SYNE2: variants seen among roughly 807,000 people sequenced by gnomAD.
SYNE2 encodes the protein nesprin-2.
SYNE2 carries 431 observed loss-of-function variants against 856.3 expected under a neutral mutation model. That is an observed-to-expected ratio of 0.50 (90% CI 0.47 to 0.55). The LOEUF (loss-of-function observed/expected upper bound fraction) is 0.55, where lower values mean the gene tolerates loss of function less well. SYNE2 is among the 20% of genes least tolerant of loss of function. SYNE2 has a pLI of 0.00. For synonymous variants in SYNE2, 2,923 were observed against 2,872.3 expected (o/e 1.02, Z -0.56); for missense variants, 8,129 against 8,023.2 (o/e 1.01, Z -0.50).
chr14:64,099,041 G>A, intron 63 of SYNE2: 1 of 538,130 alleles, frequency 1.9e-6, no homozygotes, highest in South Asian at 2.0e-5. Flanking sequence ...AGACACTCTT[G>A]TTGGCATACG....
chr14:64,099,118 A>G (rs538210428), intron 63 of SYNE2: 5 of 398,400 alleles, frequency 1.3e-5, no homozygotes, highest in Non-Finnish European at 2.3e-5. Context: ...TTTTGAGAGC[A>G]TGCTGTTTGG....
At position 64,165,324 on chromosome 14, in the gene SYNE2, G is replaced by A; in HGVS notation, c.16519G>A (p.Glu5507Lys). 6.2e-7 allele frequency: 1 copy of A among 1,613,918 alleles called. No individual in the cohort carries two copies. The highest frequency in any genetic ancestry group is 8.5e-7 in the Non-Finnish European group (1 of 1,179,906). The stretch of plus-strand genomic sequence containing the variant: ...GTTTAAGGATTTTGGAGTCCGGCTG[G>A]AATCTTTAAAAGGTCTTATTATGCA... ...SQFKDFGVRLESLKGLIMHEE... is the reference protein window; with the variant it reads ...SQFKDFGVRLKSLKGLIMHEE... Residue 5507 changes from glutamate to lysine, a missense_variant, in exon 90 of 116, where the codon GAA (glutamate) becomes AAA (lysine). Around this residue, in one of 3 missense-constraint regions of SYNE2, gnomAD observed 5,410 missense variants for 5,284.8 expected, o/e 1.02. Transcript: ENST00000555002.
At position 63,941,764 on chromosome 14, in the gene SYNE2, C is replaced by G; in HGVS notation, c.211C>G (p.Leu71Val). 1 of 1,614,066 alleles carries G rather than the reference C, an allele frequency of 6.2e-7. No homozygotes were observed. The highest frequency in any genetic ancestry group is 8.5e-7 in the Non-Finnish European group (1 of 1,179,964). The change falls in exon 4 of 116, where the codon CTA becomes GTA. Residue 71 changes from leucine to valine, a missense_variant. By Grantham distance (32) the Leu-to-Val change is conservative (BLOSUM62 1). Coordinates refer to ENST00000555002, the MANE Select transcript of SYNE2 (RefSeq NM_182914.3). ...AAAGGGGCATGTCCTCCTGGATCTG[C>G]TAGAAGTACTTTCTGGGCAACAGTT... ...IKKGHVLLDL[L>V]EVLSGQQLPR...
chr14:63,993,949 G>C lies in SYNE2; in HGVS notation c.2761G>C (p.Asp921His). The C allele has an allele frequency of 2.5e-6, 4 of 1,613,862 alleles. No homozygotes were observed. Among genetic ancestry groups the C allele is most frequent in the Non-Finnish European group, 2.5e-6 (3 of 1,179,838 alleles). Residue 921 changes from aspartate to histidine, a missense_variant, in exon 22 of 116, where the codon GAT becomes CAT. By Grantham distance (81) the Asp-to-His change is moderately conservative. This residue lies in a region of SYNE2 where 2,422 missense variants were observed against 2,357.4 expected (regional missense o/e 1.03). Transcript: ENST00000555002. ...IKMSLEEKSR[D>H]VCAKWESLHH... ...GATGTCTTTAGAAGAAAAGAGTAGAGATGTCTGTGCCAAATGGGAGGTAAG... is the reference window on the plus strand; with the variant it reads ...GATGTCTTTAGAAGAAAAGAGTAGACATGTCTGTGCCAAATGGGAGGTAAG...
chr14:63,807,410 G>C (rs1231784070), intron 1 of SYNE2, among the ~76,000 whole-genome samples: 1 of 151,468 alleles, frequency 6.6e-6, no homozygotes, highest in East Asian at 1.9e-4. Context: ...TGAAAAAGGA[G>C]ACTAAAGGAC....
intron 27 of SYNE2, among the ~76,000 whole-genome samples, chr14:63,999,666 A>G (rs2153501216): frequency 6.6e-6 from 1 of 152,368 alleles, no homozygotes; most frequent in East Asian, 1.9e-4. Context: ...TACAAATAAT[A>G]TCTTTCCTAT....
intron 107 of SYNE2, 105 bp downstream of exon 107, chr14:64,215,459 C>G: frequency 9.0e-7 from 1 of 1,113,698 alleles, no homozygotes; most frequent in South Asian, 1.2e-5. Flanking sequence ...TCTGTGGACA[C>G]CATGCGCCTT....
Position 64,065,525 on chromosome 14 carries a change from G to C in SYNE2, c.10306G>C (p.Gly3436Arg). 1 of 1,614,086 alleles carries C rather than the reference G, an allele frequency of 6.2e-7. No homozygotes were observed. The highest frequency in any genetic ancestry group is 1.3e-5 in the African/African-American group (1 of 75,010). ...LLRLRCTENDGICLLKIVSAL... is the reference protein window; with the variant it reads ...LLRLRCTENDRICLLKIVSAL... ...GAGACTCAGGTGCACAGAAAATGAT[G>C]GCATATGTTTGCTCAAGATTGTGTC... The change falls in exon 51 of 116, where the codon GGC becomes CGC. Residue 3436 changes from glycine to arginine, a missense_variant. Transcript: ENST00000555002.
At chr14:63,873,003 G>T (rs1218137248) in intron 1 of SYNE2, among the ~76,000 whole-genome samples, 3 of 152,056 alleles carry the variant, frequency 2.0e-5, no homozygotes, top group African/African-American at 7.2e-5. Context: ...GGACCCACCT[G>T]TTCACGTCTT....
chr14:63,990,696 A>G (rs986556479), intron 20 of SYNE2, 127 bp downstream of exon 20: 21 of 897,068 alleles, frequency 2.3e-5, no homozygotes, highest in Admixed American at 1.2e-4. Context: ...CTTTTGCATT[A>G]TGTTTTATTT....
chr14:63,878,538 T>C (rs1403931333), intron 1 of SYNE2, among the ~76,000 whole-genome samples: 3 of 143,798 alleles, frequency 2.1e-5, no homozygotes, highest in African/African-American at 7.7e-5. Flanking sequence ...ATTTTTTTCT[T>C]TATTTTTATT....
Position 64,089,659 on chromosome 14 carries a change from T to C in SYNE2, c.11756T>C (p.Phe3919Ser), listed in dbSNP as rs150573710. The C allele has an allele frequency of 6.2e-7, 1 of 1,600,770 alleles. No homozygotes were observed. Among genetic ancestry groups the C allele is most frequent in the Non-Finnish European group, 8.6e-7 (1 of 1,168,630 alleles). Residue 3919 changes from phenylalanine to serine, a missense_variant, in exon 59 of 116, where the codon TTT (phenylalanine) becomes TCT (serine). By Grantham distance (155) the Phe-to-Ser change is radical (BLOSUM62 -2). Around this residue, in one of 3 missense-constraint regions of SYNE2, gnomAD observed 5,410 missense variants for 5,284.8 expected, o/e 1.02. Coordinates refer to ENST00000555002, the MANE Select transcript of SYNE2 (RefSeq NM_182914.3). ...IKTILLSKEI[F>S]DFSPEEHLKH... ...ACTATCCTATTATCAAAAGAAATAT[T>C]TGATTTTTCACCTGAAGAACATCTC... is the stretch of plus-strand genomic sequence containing the variant.
chr14:63,789,943 T>C (rs1023941684), intron 1 of SYNE2, among the ~76,000 whole-genome samples: 1 of 152,078 alleles, frequency 6.6e-6, no homozygotes, highest in African/African-American at 2.4e-5. Flanking sequence ...AATGAGACAT[T>C]GAACTAGAAA....
intron 1 of SYNE2, among the ~76,000 whole-genome samples, chr14:63,794,169 C>T (rs951291309): frequency 2.6e-5 from 4 of 152,096 alleles, no homozygotes. Flanking sequence ...TCAACAATAA[C>T]TGGAAACTTT....
At chr14:64,162,769 A>G in intron 88 of SYNE2, 1 of 253,188 alleles carries the variant, frequency 3.9e-6, no homozygotes, top group Non-Finnish European at 7.8e-6. Context: ...CAGAAAGTGA[A>G]TACTCTTTAG....
intron 65 of SYNE2, among the ~76,000 whole-genome samples, chr14:64,108,583 G>T (rs2097786060): frequency 6.6e-6 from 1 of 151,946 alleles, no homozygotes; most frequent in South Asian, 2.1e-4. Flanking sequence ...AAAAGATATT[G>T]GCATGTTTTT....
chr14:64,103,711 C>A (rs73279566), intron 64 of SYNE2, among the ~76,000 whole-genome samples: 5 of 152,090 alleles, frequency 3.3e-5, no homozygotes, highest in African/African-American at 1.2e-4. Flanking sequence ...CTTCCCCTCC[C>A]TAACATGTTC....
rs1470913937 is a variant in SYNE2, at chr14:64,053,506, A to C, written c.9593A>C (p.Gln3198Pro). 2 of 1,614,246 alleles carry C rather than the reference A, an allele frequency of 1.2e-6. No homozygotes were observed. Among genetic ancestry groups the C allele is most frequent in the Non-Finnish European group, 1.7e-6 (2 of 1,180,038 alleles). The change falls in exon 48 of 116, where the codon CAA (glutamine) becomes CCA (proline). Residue 3198 changes from glutamine (Q) to proline (P), a missense_variant. By Grantham distance (76) the Gln-to-Pro change is moderately conservative. Coordinates refer to ENST00000555002, the MANE Select transcript of SYNE2 (RefSeq NM_182914.3). ...EKDNCEAFQE[Q>P]VWAEMCSIKA... is the part of the protein sequence containing the mutation. ...GACAATTGTGAAGCATTTCAGGAGC[A>C]AGTTTGGGCAGAAATGTGTAGTATT...
chr14:63,779,269 G>A (rs1461465706), intron 1 of SYNE2, among the ~76,000 whole-genome samples: 2 of 151,686 alleles, frequency 1.3e-5, no homozygotes, highest in East Asian at 3.9e-4. Context: ...AGGTTGCAGT[G>A]AGCTGAGATC....
Sources: allele counts gnomAD v4.1 joint callset (sites outside exome capture counted in the v4.1 genomes callset), GRCh38; gene constraint gnomAD v4.1.1; regional missense constraint gnomAD v4.1.1; transcripts MANE v1.5; gene names NCBI Gene and HGNC (gene_info 2026-07-23, HGNC 2026-07-21).